NAV3: variants seen among roughly 807,000 people sequenced by gnomAD.
NAV3 encodes pore membrane and/or filament interacting like protein 1.
Under a neutral mutation model 244.7 loss-of-function variants are expected in NAV3, and 87 were observed. The observed-to-expected ratio is 0.36, with a 90% CI of 0.30 to 0.42. The LOEUF (loss-of-function observed/expected upper bound fraction) is 0.42. Among genes scored for constraint, NAV3 ranks in the 20% least tolerant of loss-of-function variants. The probability of loss-of-function intolerance (pLI) is 1.00; values close to 1 mark genes in which losing one functional copy is unlikely to be tolerated. For missense variants in NAV3, 2,663 were observed against 2,893.3 expected (o/e 0.92, Z 1.83); for synonymous variants, 1,126 against 1,042.2 (o/e 1.08, Z -1.55).
chr12:77,863,386 A>G (rs1016299252), intron 1 of NAV3, among the ~76,000 whole-genome samples: 2 of 151,864 alleles, frequency 1.3e-5, no homozygotes, highest in Admixed American at 6.6e-5. Flanking sequence ...ACAGACCACC[A>G]GATATTTTTG....
intron 2 of NAV3, among the ~76,000 whole-genome samples, chr12:77,575,838 AAGAT>A (rs1240662690): frequency 2.0e-5 from 3 of 152,178 alleles, no homozygotes; most frequent in Non-Finnish European, 4.4e-5. Flanking sequence ...TAGTGATAAA[AAGAT>A]AGTAGGATAC....
At chr12:77,686,166 C>G (rs1874733778) in intron 2 of NAV3, among the ~76,000 whole-genome samples, 1 of 152,168 alleles carries the variant, frequency 6.6e-6, no homozygotes, top group Non-Finnish European at 1.5e-5. Flanking sequence ...AATCTCAGTT[C>G]ACTGCAACCA....
chr12:77,687,733 G>A (rs1874821765), intron 2 of NAV3, among the ~76,000 whole-genome samples: 2 of 152,038 alleles, frequency 1.3e-5, no homozygotes, highest in African/African-American at 2.4e-5. Context: ...ACTTAGATCG[G>A]TTCCATAAGC....
chr12:77,660,667 G>A (rs527806910), intron 2 of NAV3, among the ~76,000 whole-genome samples: 3 of 152,144 alleles, frequency 2.0e-5, no homozygotes, highest in East Asian at 1.9e-4. Flanking sequence ...TTAGGTATAA[G>A]TATGTATATA....
intron 20 of NAV3, among the ~76,000 whole-genome samples, chr12:78,146,114 T>G (rs1193337428): frequency 6.6e-6 from 1 of 152,114 alleles, no homozygotes; most frequent in Non-Finnish European, 1.5e-5. Context: ...TTCTGTCTTT[T>G]GCTTAAAGGA....
intron 2 of NAV3, among the ~76,000 whole-genome samples, chr12:77,785,149 C>T (rs1267764211): frequency 6.6e-6 from 1 of 152,094 alleles, no homozygotes; most frequent in African/African-American, 2.4e-5. Flanking sequence ...ACCACAGGCA[C>T]ACAACAGGGC....
intron 1 of NAV3, among the ~76,000 whole-genome samples, chr12:77,835,522 C>G (rs775420838): frequency 6.6e-6 from 1 of 152,166 alleles, no homozygotes; most frequent in South Asian, 2.1e-4. Flanking sequence ...TGCCATCATT[C>G]CAGTCATCTA....
intron 1 of NAV3, among the ~76,000 whole-genome samples, chr12:77,884,369 G>A (rs1883032878): frequency 6.6e-6 from 1 of 152,088 alleles, no homozygotes; most frequent in South Asian, 2.1e-4. Context: ...ACAGTAGGAT[G>A]TCTACAAGCT....
At chr12:77,701,198 A>G (rs1322949287) in intron 2 of NAV3, among the ~76,000 whole-genome samples, 3 of 151,950 alleles carry the variant, frequency 2.0e-5, no homozygotes, top group Admixed American at 2.0e-4. Flanking sequence ...TTCTTTGTAG[A>G]ATATTTGAGT....
chr12:77,965,014 G>A (rs1892387717), intron 3 of NAV3, among the ~76,000 whole-genome samples: 1 of 151,946 alleles, frequency 6.6e-6, no homozygotes, highest in African/African-American at 2.4e-5. Flanking sequence ...GCTAAGCTAG[G>A]GAGGACATTG....
At chr12:77,908,543 T>C (rs1886242833) in intron 1 of NAV3, among the ~76,000 whole-genome samples, 1 of 152,082 alleles carries the variant, frequency 6.6e-6, no homozygotes, top group Non-Finnish European at 1.5e-5. Flanking sequence ...CTGTTATTCT[T>C]TAGCTTCCAG....
intron 2 of NAV3, among the ~76,000 whole-genome samples, chr12:77,719,745 C>T (rs905914899): frequency 2.0e-5 from 3 of 151,972 alleles, no homozygotes; most frequent in Non-Finnish European, 4.4e-5. Flanking sequence ...TGATAATGAC[C>T]TGTAGTATTC....
At chr12:77,754,601 A>C (rs560417494) in intron 2 of NAV3, among the ~76,000 whole-genome samples, 2 of 152,238 alleles carry the variant, frequency 1.3e-5, no homozygotes, top group Admixed American at 1.3e-4. Context: ...CAGCTGCAGA[A>C]AACATGTTTC....
intron 2 of NAV3, among the ~76,000 whole-genome samples, chr12:77,683,132 T>A (rs1055204012): frequency 6.6e-5 from 10 of 152,172 alleles, no homozygotes; most frequent in Non-Finnish European, 1.0e-4. Flanking sequence ...CTTCCAATAA[T>A]TTTATAGTTT....
rs569935901 is a variant in NAV3 at position 78,032,913 on chromosome 12, T to C, written c.2023+11051T>C. Among the ~76,000 whole-genome samples the C allele has an allele frequency of 2.0e-5, 3 of 150,796 alleles. No homozygotes were observed. In the South Asian group the frequency reaches 6.3e-4, roughly 32 times the overall value. ...TTCTTCTATAGGTTCACACTTGCCC[T>C]TTTTTTTTGCATAAGACTATCCACC... On this transcript the variant is annotated intron_variant, in intron 9 of 39. Coordinates refer to ENST00000397909, the MANE Select transcript of NAV3 (RefSeq NM_001024383.2).
At chr12:77,886,090 T>A (rs776478336) in intron 1 of NAV3, among the ~76,000 whole-genome samples, 33 of 152,112 alleles carry the variant, frequency 2.2e-4, no homozygotes, top group Non-Finnish European at 3.2e-4. Context: ...ATAGTCTCAA[T>A]CCAGGCTTAC....
intron 2 of NAV3, among the ~76,000 whole-genome samples, chr12:77,668,363 A>C (rs1211624454): frequency 6.6e-6 from 1 of 152,212 alleles, no homozygotes; most frequent in African/African-American, 2.4e-5. Context: ...CGTGAAGTCC[A>C]ACTTAAAAAA....
Position 77,994,702 on chromosome 12 carries a change from C to G in NAV3, c.672-101C>G, listed in dbSNP as rs1005112491. ...TCTTTATACATGTTTATACGTGTTC[C>G]AATTGCATTTCATTAATTCATAGTT... On this transcript the variant is annotated intron_variant, in intron 5 of 39. Transcript: ENST00000397909. 110 of 852,192 alleles carry G rather than the reference C, an allele frequency of 1.3e-4. 1 individual carries two copies. Among genetic ancestry groups the G allele is most frequent in the Non-Finnish European group, 7.9e-5 (42 of 528,308 alleles). The allele number at this position is 852,192 out of a possible 1,614,324, so 52.8% of individuals were successfully genotyped here.
chr12:78,137,352 C>G lies in NAV3; in HGVS notation c.4617C>G (p.Asp1539Glu). 1 of 1,611,172 alleles carries G rather than the reference C, an allele frequency of 6.2e-7. No individual in the cohort carries two copies. The highest frequency in any genetic ancestry group is 2.2e-5 in the East Asian group (1 of 44,802). The change falls in exon 19 of 40, where the codon GAC becomes GAG. Residue 1539 changes from aspartate to glutamate, a missense_variant. By Grantham distance (45) the Asp-to-Glu change is conservative (BLOSUM62 2). This residue lies in a region of NAV3 where 354 missense variants were observed against 413.0 expected (regional missense o/e 0.86). Transcript: ENST00000397909. ...TCAGTCATTCGGGCTCATTCAGAGA[C>G]AGCATGGAAGAAGGTAAGCGTTGAG... ...RAISHSGSFR[D>E]SMEEVHGSSL...
Sources: allele counts gnomAD v4.1 joint callset (sites outside exome capture counted in the v4.1 genomes callset), GRCh38; gene constraint gnomAD v4.1.1; regional missense constraint gnomAD v4.1.1; transcripts MANE v1.5; gene names NCBI Gene and HGNC (gene_info 2026-07-23, HGNC 2026-07-21).